Variants in ZKSCAN3 observed in about 807,000 individuals in gnomAD.
The protein encoded by ZKSCAN3 is zinc finger protein with KRAB and SCAN domains 3.
Under a neutral mutation model 30.7 loss-of-function variants are expected in ZKSCAN3, and 21 were observed. That is an observed-to-expected ratio of 0.68 (90% confidence interval 0.49 to 0.99). ZKSCAN3 has a LOEUF of 0.99. ZKSCAN3 is among the 50% of genes least tolerant of loss of function. ZKSCAN3 has a pLI of 0.00. For missense variants in ZKSCAN3, 507 were observed against 647.1 expected (o/e 0.78, Z 2.35); for synonymous variants, 201 against 246.7 (o/e 0.81, Z 1.73).
At position 28,351,918 on chromosome 6, in the gene ZKSCAN3, A is replaced by G. The variant is rs2113886596; in HGVS notation, c.-63+1851A>G. Among the ~76,000 whole-genome samples the G allele has an allele frequency of 6.6e-6, 1 of 152,260 alleles. No individual in the cohort carries two copies. Among genetic ancestry groups the G allele is most frequent in the Non-Finnish European group, 1.5e-5 (1 of 68,032 alleles). ...TAGTATCATGATCACACGCAAAAAA[A>G]TTGACAATAATTCCTTGATATCATT... On this transcript the variant is annotated intron_variant, in intron 1 of 5. Transcript: ENST00000252211. The surrounding 1 kb of genome is among the most constrained non-coding windows in gnomAD (Gnocchi z 4.6).
Position 28,351,828 on chromosome 6 carries a change from C to T in ZKSCAN3, c.-63+1761C>T, listed in dbSNP as rs562646145. On this transcript the variant is annotated intron_variant, in intron 1 of 5. Coordinates refer to ENST00000252211, the MANE Select transcript of ZKSCAN3 (RefSeq NM_024493.4). The surrounding 1 kb of genome is among the most constrained non-coding windows in gnomAD (Gnocchi z 4.6). ...TTGCAGATGGAAACATTTTAGTTCA[C>T]TCACAAGTACAAGTACTTCAGTGTC... Among the ~76,000 whole-genome samples the T allele has an allele frequency of 1.3e-5, 2 of 152,094 alleles. No homozygotes were observed. Among genetic ancestry groups the T allele is most frequent in the East Asian group, 3.9e-4 (2 of 5,172 alleles).
intron 1 of ZKSCAN3, among the ~76,000 whole-genome samples, chr6:28,352,924 G>C (rs1765142101): frequency 6.7e-6 from 1 of 150,002 alleles, no homozygotes; most frequent in African/African-American, 2.5e-5. Flanking sequence ...TTTTCCCTTT[G>C]TAACCTCTAC....
Position 28,361,369 on chromosome 6 carries a change from G to A in ZKSCAN3, c.448G>A (p.Ala150Thr). ...QGQELLCCKM[A>T]LLTPAPGSQS... ...GCAAGAACTGCTCTGTTGCAAGATG[G>A]CACTATTGACACCAGCCCCAGGGTC... is the stretch of plus-strand genomic sequence containing the variant. The change falls in exon 3 of 6, where the codon GCA becomes ACA. Residue 150 changes from alanine to threonine, a missense_variant. Coordinates refer to ENST00000252211, the MANE Select transcript of ZKSCAN3 (RefSeq NM_024493.4). 6.2e-7 allele frequency: 1 copy of A among 1,613,928 alleles called. No individual in the cohort carries two copies.
Position 28,365,600 on chromosome 6 carries a change from G to T in ZKSCAN3, c.932G>T (p.Gly311Val). ...LQRKQKNATG[G>V]RRHICHECGK... ...AGAAAGCAGAAAAATGCCACAGGAG[G>T]GAGGCGGCACATCTGCCATGAATGT... Residue 311 changes from glycine (G) to valine (V), a missense_variant, in exon 6 of 6, where the codon GGG becomes GTG. Gly to Val is a moderately radical substitution (Grantham distance 109, BLOSUM62 -3). Coordinates refer to ENST00000252211, the MANE Select transcript of ZKSCAN3 (RefSeq NM_024493.4). 6.2e-7 allele frequency: 1 copy of T among 1,614,252 alleles called. No individual in the cohort carries two copies. The highest frequency in any genetic ancestry group is 8.5e-7 in the Non-Finnish European group (1 of 1,180,054).
In ZKSCAN3 at chr6:28,351,805, G is replaced by T. The variant is rs1005357062; in HGVS notation, c.-63+1738G>T. Among the ~76,000 whole-genome samples the T allele has an allele frequency of 2.0e-5, 3 of 149,846 alleles. No individual in the cohort carries two copies. The highest frequency in any genetic ancestry group is 4.4e-5 in the Non-Finnish European group (3 of 67,736). ...CTTCTCTTTCATTTTATAGCAAATT[G>T]CAGATGGAAACATTTTAGTTCACTC... On this transcript the variant is annotated intron_variant, in intron 1 of 5. Coordinates refer to ENST00000252211, the MANE Select transcript of ZKSCAN3 (RefSeq NM_024493.4). The surrounding 1 kb of genome is among the most constrained non-coding windows in gnomAD (Gnocchi z 4.6).
At chr6:28,352,465 CTGTTCT>C (rs1765099953) in intron 1 of ZKSCAN3, among the ~76,000 whole-genome samples, 1 of 152,130 alleles carries the variant, frequency 6.6e-6, no homozygotes, top group Non-Finnish European at 1.5e-5. Context: ...ATGGGCCAGG[CTGTTCT>C]TGAACTCCTG....
chr6:28,350,780 T>G (rs1346408643), intron 1 of ZKSCAN3, among the ~76,000 whole-genome samples: 1 of 152,134 alleles, frequency 6.6e-6, no homozygotes, highest in Non-Finnish European at 1.5e-5. Flanking sequence ...GAGGGAAAAA[T>G]AAGATACTCT....
intron 2 of ZKSCAN3, 115 bp downstream of exon 2, chr6:28,360,103 C>G (rs766633829): frequency 1.1e-5 from 17 of 1,566,216 alleles, no homozygotes; most frequent in Non-Finnish European, 1.3e-5. Flanking sequence ...TTTTTTGTAC[C>G]GTGAACCTCC....
intron 2 of ZKSCAN3, 130 bp downstream of exon 2, chr6:28,360,118 C>A: frequency 6.5e-7 from 1 of 1,528,192 alleles, no homozygotes; most frequent in Non-Finnish European, 8.9e-7. Flanking sequence ...ACCTCCTTGG[C>A]AGTAAGGTGA....
chr6:28,358,729 C>G (rs1278414687), intron 1 of ZKSCAN3, among the ~76,000 whole-genome samples: 2 of 151,702 alleles, frequency 1.3e-5, no homozygotes, highest in African/African-American at 4.8e-5. Flanking sequence ...ACTAAAAATA[C>G]AAAAATTAGC....
At chr6:28,358,563 G>GTA (rs1765572089) in intron 1 of ZKSCAN3, among the ~76,000 whole-genome samples, 1 of 151,844 alleles carries the variant, frequency 6.6e-6, no homozygotes, top group African/African-American at 2.4e-5. Flanking sequence ...TTCTATTGCT[G>GTA]TATAACATTT....
Position 28,365,858 on chromosome 6 carries a change from C to T in ZKSCAN3, c.1190C>T (p.Pro397Leu). The T allele has an allele frequency of 6.2e-7, 1 of 1,613,848 alleles. No individual in the cohort carries two copies. Among genetic ancestry groups the T allele is most frequent in the Non-Finnish European group, 8.5e-7 (1 of 1,179,840 alleles). Residue 397 changes from proline to leucine, a missense_variant, in exon 6 of 6, where the codon CCC becomes CTC. Pro to Leu is a moderately conservative substitution (Grantham distance 98). Coordinates refer to ENST00000252211, the MANE Select transcript of ZKSCAN3 (RefSeq NM_024493.4). ...KHQRTHTGEK[P>L]YECDDCGKTF... ...CAGAGAACCCACACTGGGGAGAAGC[C>T]CTATGAGTGTGATGACTGTGGGAAG...
intron 3 of ZKSCAN3, 123 bp from the exon 4 acceptor site, chr6:28,363,180 C>T (rs1178830198): frequency 7.4e-6 from 6 of 814,088 alleles, no homozygotes; most frequent in Non-Finnish European, 1.2e-5. Flanking sequence ...ATTGCAGCTT[C>T]AGACTCCTGG....
At chr6:28,361,836 C>G (rs1201653863) in intron 3 of ZKSCAN3, among the ~76,000 whole-genome samples, 1 of 151,738 alleles carries the variant, frequency 6.6e-6, no homozygotes, top group African/African-American at 2.4e-5. Flanking sequence ...CAAGCAGCCT[C>G]CACTTCCTGG....
At chr6:28,356,775 G>T (rs555758844) in intron 1 of ZKSCAN3, among the ~76,000 whole-genome samples, 1 of 152,218 alleles carries the variant, frequency 6.6e-6, no homozygotes, top group African/African-American at 2.4e-5. Context: ...CTCCACACTC[G>T]TGGAGGGCCT....
At chr6:28,357,666 A>G (rs1361604244) in intron 1 of ZKSCAN3, among the ~76,000 whole-genome samples, 1 of 152,200 alleles carries the variant, frequency 6.6e-6, no homozygotes, top group Non-Finnish European at 1.5e-5. Flanking sequence ...GGTGAGGACT[A>G]GAATCAGGGA....
At chr6:28,350,536 A>C (rs893466324) in intron 1 of ZKSCAN3, 1 of 152,092 alleles carries the variant, frequency 6.6e-6, no homozygotes. Flanking sequence ...GCCTCATTTT[A>C]CTATTTTGTA....
At position 28,365,639 on chromosome 6, in the gene ZKSCAN3, C is replaced by T. The variant is rs755927145; in HGVS notation, c.971C>T (p.Ala324Val). 9 of 1,614,132 alleles carry T rather than the reference C, an allele frequency of 5.6e-6. No individual in the cohort carries two copies. The highest frequency in any genetic ancestry group is 5.5e-5 in the South Asian group (5 of 91,088). ...TGCCATGAATGTGGAAAGAGTTTTG[C>T]TCAAAGCTCAGGCCTGAGTAAACAC... The part of the protein sequence containing the change: ...HICHECGKSF[A>V]QSSGLSKHRR... Residue 324 changes from alanine (A) to valine (V), a missense_variant, in exon 6 of 6, where the codon GCT becomes GTT. By Grantham distance (64) the Ala-to-Val change is moderately conservative. Coordinates refer to ENST00000252211, the MANE Select transcript of ZKSCAN3 (RefSeq NM_024493.4).
At chr6:28,363,131 T>C (rs1235424376) in intron 3 of ZKSCAN3, among the ~76,000 whole-genome samples, 172 bp from the exon 4 acceptor site, 1 of 152,174 alleles carries the variant, frequency 6.6e-6, no homozygotes, top group Non-Finnish European at 1.5e-5. Context: ...GGTCTTACTT[T>C]GTTGCCCAGG....
Sources: allele counts gnomAD v4.1 joint callset (sites outside exome capture counted in the v4.1 genomes callset), GRCh38; gene constraint gnomAD v4.1.1; non-coding constraint Gnocchi (gnomAD v3.1); transcripts MANE v1.5; gene names NCBI Gene and HGNC (gene_info 2026-07-23, HGNC 2026-07-21).